ATP6V0D1: variants seen among roughly 807,000 people sequenced by gnomAD.
ATP6V0D1 encodes the protein ATPase H+ transporting V0 subunit d1.
ATP6V0D1 carries 13 observed loss-of-function variants against 39.0 expected under a neutral mutation model. The observed-to-expected ratio is 0.33, with a 90% confidence interval of 0.22 to 0.53. The LOEUF (loss-of-function observed/expected upper bound fraction) is 0.53. Ranked by LOEUF, ATP6V0D1 falls within the 20% of genes least tolerant of loss-of-function variation. The pLI is 0.94. For missense variants in ATP6V0D1, 272 were observed against 470.9 expected, an observed-to-expected ratio of 0.58 and a Z score of 3.91; for synonymous variants, 191 against 191.2, an observed-to-expected ratio of 1.00 and a Z score of 0.01.
intron 1 of ATP6V0D1, among the ~76,000 whole-genome samples, chr16:67,479,917 C>CTCTGGAGCTGTGTGCTGAGAAGAAA (rs2041450809): frequency 7.1e-6 from 1 of 140,512 alleles, no homozygotes; most frequent in African/African-American, 3.3e-5. Flanking sequence ...GTCAACGCCA[C>CTCTGGAGCTGTGTGCTGAGAAGAAA]GGCCGGGCGC....
chr16:67,465,586 T>C (rs938277632), intron 1 of ATP6V0D1, among the ~76,000 whole-genome samples: 6 of 152,198 alleles, frequency 3.9e-5, no homozygotes, highest in Non-Finnish European at 8.8e-5. Context: ...CACTGTGCTG[T>C]ACCTGCAGCT....
In ATP6V0D1 at chr16:67,475,470, A is replaced by G. The variant is rs546170427; in HGVS notation, c.130+5487T>C. Among the ~76,000 whole-genome samples the G allele has an allele frequency of 1.0e-3, 152 of 152,358 alleles. 1 individual carries two copies. Among genetic ancestry groups the G allele is most frequent in the Non-Finnish European group, 1.6e-3 (108 of 68,028 alleles). ...CTGGACAACAGCCAGCACATCAAAC[A>G]TGGGCCCTTCACCCATGGCCTCCAA... On this transcript the variant is annotated intron_variant, in intron 1 of 7. Coordinates refer to ENST00000290949, the MANE Select transcript of ATP6V0D1 (RefSeq NM_004691.5).
chr16:67,440,183 G>C (rs1454933538), intron 4 of ATP6V0D1: 7 of 152,320 alleles, frequency 4.6e-5, no homozygotes, highest in Admixed American at 4.6e-4. Flanking sequence ...TCACAGAGCA[G>C]GAACAAAATT....
In ATP6V0D1 at chr16:67,438,222, A is replaced by C; in HGVS notation, c.*306T>G. The stretch of plus-strand genomic sequence containing the variant: ...TCTCAGGTCAGGGAGTTAGGGAGGA[A>C]CATGAAAGTGACATGCTTCTTAGAT... On this transcript the variant is annotated 3_prime_UTR_variant, in exon 8 of 8. Coordinates refer to ENST00000290949, the MANE Select transcript of ATP6V0D1 (RefSeq NM_004691.5). 1 of 366,798 alleles carries C rather than the reference A, an allele frequency of 2.7e-6. No individual in the cohort carries two copies. Among genetic ancestry groups the C allele is most frequent in the Non-Finnish European group, 5.1e-6 (1 of 197,578 alleles). 22.7% of individuals were successfully genotyped at this position (366,798 alleles called of 1,614,324 possible).
chr16:67,455,524 G>A (rs1032241902), intron 1 of ATP6V0D1: 1 of 152,146 alleles, frequency 6.6e-6, no homozygotes, highest in Non-Finnish European at 1.5e-5. Context: ...ACCTCCTGAG[G>A]CCTGCAGGAG....
chr16:67,463,552 AG>A (rs1287455818), intron 1 of ATP6V0D1, among the ~76,000 whole-genome samples: 1 of 151,780 alleles, frequency 6.6e-6, no homozygotes, highest in Non-Finnish European at 1.5e-5. Context: ...AAAAAGAAAG[AG>A]GGAGGGAGGG....
intron 2 of ATP6V0D1, among the ~76,000 whole-genome samples, chr16:67,450,715 T>C (rs1466038584): frequency 6.6e-6 from 1 of 152,090 alleles, no homozygotes; most frequent in Non-Finnish European, 1.5e-5. Flanking sequence ...CCACGAGATG[T>C]TTTTTAATTA....
chr16:67,477,571 A>C (rs1221589190), intron 1 of ATP6V0D1, among the ~76,000 whole-genome samples: 1 of 152,234 alleles, frequency 6.6e-6, no homozygotes, highest in African/African-American at 2.4e-5. Flanking sequence ...TAATTATTTT[A>C]TCAATAAGAA....
intron 2 of ATP6V0D1, among the ~76,000 whole-genome samples, chr16:67,446,122 A>T (rs2041111988): frequency 6.6e-6 from 1 of 152,060 alleles, no homozygotes; most frequent in Admixed American, 6.5e-5. Context: ...CCTTGGTAGG[A>T]GGTGTCTTCC....
intron 1 of ATP6V0D1, among the ~76,000 whole-genome samples, chr16:67,479,339 G>A (rs750348338): frequency 6.6e-6 from 1 of 151,022 alleles, no homozygotes; most frequent in African/African-American, 2.4e-5. Flanking sequence ...TCAGTCTCCC[G>A]AGTAGCTGGG....
chr16:67,465,010 C>CA (rs1215690839), intron 1 of ATP6V0D1, among the ~76,000 whole-genome samples: 1 of 152,234 alleles, frequency 6.6e-6, no homozygotes, highest in Admixed American at 6.5e-5. Flanking sequence ...ACACACAGAG[C>CA]AGGTGCCCAG....
intron 1 of ATP6V0D1, among the ~76,000 whole-genome samples, chr16:67,478,613 CAAAA>C (rs1292018624): frequency 5.8e-5 from 3 of 51,544 alleles, no homozygotes; most frequent in Admixed American, 2.3e-4. Context: ...GACTCTGTCT[CAAAA>C]AAAAAAAAAA....
chr16:67,463,960 T>C (rs1023944673), intron 1 of ATP6V0D1, among the ~76,000 whole-genome samples: 1 of 152,178 alleles, frequency 6.6e-6, no homozygotes, highest in African/African-American at 2.4e-5. Flanking sequence ...GTGGGAGGCA[T>C]GGAGCCTGGG....
At chr16:67,441,477 G>A (rs1416437558) in intron 4 of ATP6V0D1, 1 of 152,294 alleles carries the variant, frequency 6.6e-6, no homozygotes, top group African/African-American at 2.4e-5. Context: ...GGGCATGGGT[G>A]AGGCTGGCGG....
At chr16:67,475,590 T>C (rs62059322) in intron 1 of ATP6V0D1, among the ~76,000 whole-genome samples, 134 of 152,314 alleles carry the variant, frequency 8.8e-4, no homozygotes, top group Non-Finnish European at 1.6e-3. Context: ...GTGTTAATTA[T>C]ATTTCTTTGC....
At position 67,438,400 on chromosome 16, in the gene ATP6V0D1, G is replaced by A. The variant is rs574615864; in HGVS notation, c.*128C>T. The A allele has an allele frequency of 4.6e-5, 54 of 1,168,644 alleles. No homozygotes were observed. The East Asian group carries it at 5.6e-4, about 12-fold the overall frequency. The allele number at this position is 1,168,644 out of a possible 1,614,324, so 72.4% of individuals were successfully genotyped here. ...AGAACTGGGCAGCCGCTAGGACAGC[G>A]TACTACACCCCGGACAGGCAGGTGA... is the stretch of plus-strand genomic sequence containing the variant. On this transcript the variant is annotated 3_prime_UTR_variant, in exon 8 of 8. Coordinates refer to ENST00000290949, the MANE Select transcript of ATP6V0D1 (RefSeq NM_004691.5).
intron 1 of ATP6V0D1, among the ~76,000 whole-genome samples, chr16:67,480,006 C>T (rs921593262): frequency 7.4e-6 from 1 of 135,140 alleles, no homozygotes; most frequent in Non-Finnish European, 1.5e-5. Context: ...GAGACCATCC[C>T]GGCTAAAACG....
At chr16:67,457,480 T>G (rs200602475) in intron 1 of ATP6V0D1, 8 of 905,970 alleles carry the variant, frequency 8.8e-6, no homozygotes, top group Non-Finnish European at 1.2e-5. Flanking sequence ...CCAGATGAGC[T>G]GGCAGGTGGT....
intron 4 of ATP6V0D1, chr16:67,439,656 C>T: frequency 2.3e-6 from 1 of 432,312 alleles, no homozygotes; most frequent in Non-Finnish European, 4.2e-6. Flanking sequence ...CGCAGGGGTC[C>T]TCTGACTTTC....
Sources: gnomAD v4.1 joint callset for allele counts (sites outside exome capture counted in the v4.1 genomes callset) on GRCh38, gnomAD v4.1.1 for gene constraint, MANE v1.5 for transcripts, NCBI Gene and HGNC (gene_info 2026-07-23, HGNC 2026-07-21) for gene names.